Variants in ZNF107 observed in about 807,000 individuals in gnomAD.
The protein encoded by ZNF107 is zinc finger protein 107, also known as C2H2 type zinc-finger protein.
In ZNF107, 19 loss-of-function variants were observed where a neutral mutation model predicts 12.3. The ratio of observed to expected loss-of-function variants is 1.55; its 90% confidence interval spans 1.08 to 2.27. The LOEUF (loss-of-function observed/expected upper bound fraction) is 2.27, where lower values mean the gene tolerates loss of function less well. Among genes scored for constraint, ZNF107 ranks in the 30% most tolerant of loss-of-function variants. The pLI is 0.00. For synonymous variants in ZNF107, 317 were observed against 330.5 expected, an observed-to-expected ratio of 0.96 and a Z score of 0.44; for missense variants, 958 against 979.9, an observed-to-expected ratio of 0.98 and a Z score of 0.30.
intron 3 of ZNF107, among the ~76,000 whole-genome samples, chr7:64,700,941 A>C (rs2128966442): frequency 6.6e-6 from 1 of 152,284 alleles, no homozygotes; most frequent in South Asian, 2.1e-4. Flanking sequence ...TTGATCTTTT[A>C]TCTGAACTGT....
rs1291141994 is a variant in ZNF107, at chr7:64,706,580, T to C, written c.483T>C (p.Asn161=). ...TCTTTGATAAATTTTCAAATTCAAA[T>C]AGATATAAGAGAAGACATACAGGAA... ...VKVFDKFSNS[N]RYKRRHTGNK... Residue 161 remains asparagine, a synonymous_variant, in exon 4 of 4, where the codon AAT becomes AAC. Transcript: ENST00000620827. 1.2e-6 allele frequency: 2 copies of C among 1,606,690 alleles called. No individual in the cohort carries two copies. The highest frequency in any genetic ancestry group is 2.7e-5 in the African/African-American group (2 of 74,444).
At position 64,707,504 on chromosome 7, in the gene ZNF107, T is replaced by C; in HGVS notation, c.1407T>C (p.Ile469=). 1 of 1,613,380 alleles carries C rather than the reference T, an allele frequency of 6.2e-7. No homozygotes were observed. Among genetic ancestry groups the C allele is most frequent in the Non-Finnish European group, 8.5e-7 (1 of 1,179,692 alleles). Reference sequence around the variant, plus strand: ...CTTTTAACCAACACTCAAACCTAATTAACCATAGGAAAATTTATTCTGGAG... The same window carrying C: ...CTTTTAACCAACACTCAAACCTAATCAACCATAGGAAAATTTATTCTGGAG... ...GKAFNQHSNL[I]NHRKIYSGEK... is the part of the protein sequence containing the mutation. The change falls in exon 4 of 4, where the codon ATT becomes ATC. Residue 469 remains isoleucine, a synonymous_variant. Transcript: ENST00000620827.
Position 64,708,913 on chromosome 7 carries a change from C to CGGAAGAG in ZNF107, c.*257_*258insGGAAGAG. 1 of 568,338 alleles carries CGGAAGAG rather than the reference C, an allele frequency of 1.8e-6. No homozygotes were observed. The highest frequency in any genetic ancestry group is 3.2e-6 in the Non-Finnish European group (1 of 315,866). The allele number at this position is 568,338 out of a possible 1,614,324, so 35.2% of individuals were successfully genotyped here. ...AAATGTGGCAAATCCTTTAACTGAT[C>CGGAAGAG]CTCAACTTTTACTAAACATAAGGTA... On this transcript the variant is annotated 3_prime_UTR_variant, in exon 4 of 4. Transcript: ENST00000620827.
Position 64,691,953 on chromosome 7 carries a change from AC to A in ZNF107, c.224del (p.Pro75GlnfsTer2). The A allele has an allele frequency of 1.3e-6, 2 of 1,515,228 alleles. No homozygotes were observed. 93.9% of individuals were successfully genotyped at this position (1,515,228 alleles called of 1,614,324 possible). A position where few individuals can be genotyped will look rare whatever the true frequency, so the allele number is the denominator to read the frequency against. On this transcript the variant is annotated frameshift_variant, in exon 3 of 4. Transcript: ENST00000620827. LOFTEE classifies it low-confidence loss of function (END_TRUNC). ...NIKRHEMVAK[P>X]PVMSFHFAQD... ...TAAAAAGACATGAGATGGTAGCCAA[AC>A]CCCCAGGTAGGTGAGAGTGAAAGTG...
chr7:64,697,857 A>T (rs528198770), intron 3 of ZNF107, among the ~76,000 whole-genome samples: 122 of 151,924 alleles, frequency 8.0e-4, no homozygotes, highest in Admixed American at 1.1e-3. Context: ...ACGCCCGGCT[A>T]ATTTTTTGTA....
At chr7:64,688,404 G>T (rs1427231059) in intron 1 of ZNF107, among the ~76,000 whole-genome samples, 1 of 151,776 alleles carries the variant, frequency 6.6e-6, no homozygotes, top group African/African-American at 2.4e-5. Flanking sequence ...TTACAAGCAC[G>T]CACCAAGACG....
chr7:64,689,053 A>G (rs1212832319), intron 1 of ZNF107, among the ~76,000 whole-genome samples: 2 of 152,206 alleles, frequency 1.3e-5, no homozygotes, highest in Admixed American at 6.5e-5. Flanking sequence ...ATCCCAGGTT[A>G]CAATTCCCAA....
intron 1 of ZNF107, among the ~76,000 whole-genome samples, chr7:64,671,812 C>G (rs1324715012): frequency 1.5e-5 from 2 of 135,036 alleles, no homozygotes; most frequent in Admixed American, 1.7e-4. Flanking sequence ...GGCAGAGTCT[C>G]GCTCTGTTGC....
chr7:64,670,970 A>C (rs1789200715), intron 1 of ZNF107, among the ~76,000 whole-genome samples: 10 of 152,164 alleles, frequency 6.6e-5, no homozygotes, highest in Admixed American at 6.5e-4. Context: ...TGTGGGACTG[A>C]GCCCTGAATC....
At chr7:64,693,520 A>C (rs1790189764) in intron 3 of ZNF107, among the ~76,000 whole-genome samples, 1 of 152,024 alleles carries the variant, frequency 6.6e-6, no homozygotes, top group Non-Finnish European at 1.5e-5. Context: ...CTGGGTTTGT[A>C]GTGGAGAGGG....
chr7:64,700,082 T>A (rs1384876056), intron 3 of ZNF107, among the ~76,000 whole-genome samples: 2 of 95,522 alleles, frequency 2.1e-5, no homozygotes, highest in South Asian at 7.5e-4. Flanking sequence ...AAAAAGAATA[T>A]TGTACATTCT....
At position 64,679,964 on chromosome 7, in the gene ZNF107, G is replaced by A. The variant is rs114711643; in HGVS notation, c.4-11284G>A. 5.6e-3 allele frequency among the ~76,000 whole-genome samples: 856 copies of A among 151,962 alleles called. 4 individuals carry two copies. Among genetic ancestry groups the A allele is most frequent in the African/African-American group, 0.02 (816 of 41,406 alleles). ...ATCTGCTCCCCTACCACCCTCTGGCGACAGCGAGTCCTTCTTGTCCACAGA... is the reference window on the plus strand; with the variant it reads ...ATCTGCTCCCCTACCACCCTCTGGCAACAGCGAGTCCTTCTTGTCCACAGA... On this transcript the variant is annotated intron_variant, in intron 1 of 3. Transcript: ENST00000620827.
At chr7:64,702,150 G>GT (rs1360870792) in intron 3 of ZNF107, among the ~76,000 whole-genome samples, 122 of 138,280 alleles carry the variant, frequency 8.8e-4, no homozygotes, top group Non-Finnish European at 1.5e-3. Flanking sequence ...AGTTAAAACA[G>GT]TTTTATTTTT....
chr7:64,707,166 A>G lies in ZNF107; in HGVS notation c.1069A>G (p.Asn357Asp), dbSNP rs1459432139. 6.2e-7 allele frequency: 1 copy of G among 1,613,684 alleles called. No individual in the cohort carries two copies. Among genetic ancestry groups the G allele is most frequent in the Non-Finnish European group, 8.5e-7 (1 of 1,179,846 alleles). The change falls in exon 4 of 4, where the codon AAT becomes GAT. Residue 357 changes from asparagine to aspartate, a missense_variant. Physicochemically the swap from Asn to Asp is conservative, Grantham distance 23. Coordinates refer to ENST00000620827, the MANE Select transcript of ZNF107 (RefSeq NM_001282359.2). ...AGCTTTTAACATATCCTCAAACCTT[A>G]ATAAACAGGAGAAAATTCATACTGG... is the stretch of plus-strand genomic sequence containing the variant. Reference protein sequence around the residue: ...GRAFNISSNLNKQEKIHTGGK... With the variant: ...GRAFNISSNLDKQEKIHTGGK...
chr7:64,703,266 T>A (rs1790534815), intron 3 of ZNF107, among the ~76,000 whole-genome samples: 1 of 152,254 alleles, frequency 6.6e-6, no homozygotes, highest in African/African-American at 2.4e-5. Context: ...ATTCATTGTC[T>A]ACTGCCAATG....
chr7:64,684,710 T>C (rs1205760784), intron 1 of ZNF107: 1 of 985,288 alleles, frequency 1.0e-6, no homozygotes, highest in Non-Finnish European at 1.2e-6. Context: ...TTAGATTCTC[T>C]CTTAAACTGG....
chr7:64,700,047 T>A (rs1790419982), intron 3 of ZNF107, among the ~76,000 whole-genome samples: 1 of 107,680 alleles, frequency 9.3e-6, no homozygotes. Flanking sequence ...GGCGACAGAG[T>A]GAGACTCCAT....
intron 1 of ZNF107, chr7:64,684,768 T>C: frequency 1.0e-6 from 1 of 971,934 alleles, no homozygotes; most frequent in South Asian, 4.8e-5. Flanking sequence ...TCTTCCCAGA[T>C]GAGACGCCTC....
intron 1 of ZNF107, chr7:64,686,729 G>A: frequency 1.2e-6 from 1 of 841,342 alleles, no homozygotes; most frequent in Non-Finnish European, 1.4e-6. Flanking sequence ...CCAACTGGTT[G>A]ATCAACTTCT....
Sources: gnomAD v4.1 joint callset for allele counts (sites outside exome capture counted in the v4.1 genomes callset) on GRCh38, gnomAD v4.1.1 for gene constraint, MANE v1.5 for transcripts, NCBI Gene and HGNC (gene_info 2026-07-23, HGNC 2026-07-21) for gene names.